CLN6: variants seen among roughly 807,000 people sequenced by gnomAD.
The protein encoded by CLN6 is ceroid-lipofuscinosis neuronal protein 6.
Under a neutral mutation model 33.3 loss-of-function variants are expected in CLN6, and 22 were observed. The ratio of observed to expected loss-of-function variants is 0.66; its 90% CI spans 0.47 to 0.94. CLN6 has a LOEUF of 0.94. Among genes scored for constraint, CLN6 ranks in the 40% least tolerant of loss-of-function variants. The pLI is 0.00. For synonymous variants in CLN6, 201 were observed against 174.6 expected (o/e 1.15, Z -1.19); for missense variants, 387 against 417.1 (o/e 0.93, Z 0.63).
In CLN6 at chr15:68,211,449, C is replaced by A; in HGVS notation, c.487-131G>T. Reference sequence around the variant, plus strand: ...CCTCCCCCACTGCCTTATTCCCTACCCGGGGCCTCGCCTTCTGTTACAGGG... The same window carrying A: ...CCTCCCCCACTGCCTTATTCCCTACACGGGGCCTCGCCTTCTGTTACAGGG... On this transcript the variant is annotated intron_variant, in intron 4 of 6. Coordinates refer to ENST00000249806, the MANE Select transcript of CLN6 (RefSeq NM_017882.3). This position sits in a 1 kb window ranked among gnomAD's most constrained non-coding sequence, Gnocchi z 5.9. 2.0e-6 allele frequency: 3 copies of A among 1,530,018 alleles called. No homozygotes were observed. The highest frequency in any genetic ancestry group is 2.3e-5 in the East Asian group (1 of 43,756). The allele number at this position is 1,530,018 out of a possible 1,614,324, so 94.8% of individuals were successfully genotyped here.
upstream of CLN6, among the ~76,000 whole-genome samples, chr15:68,231,117 T>C (rs1001005226): frequency 6.6e-6 from 1 of 152,142 alleles, no homozygotes; most frequent in Non-Finnish European, 1.5e-5. Flanking sequence ...TCTTGGGAGA[T>C]GTTTATTGGA....
chr15:68,217,626 G>C lies in CLN6; in HGVS notation c.198+910C>G, dbSNP rs1001241104. ...ATTTTTACACTTGAATTTGCTGAGT[G>C]ACCTTCGAAAAGTCACTTCCCGTTT... On this transcript the variant is annotated intron_variant, in intron 2 of 6. Coordinates refer to ENST00000249806, the MANE Select transcript of CLN6 (RefSeq NM_017882.3). Among the ~76,000 whole-genome samples, 7 of 152,176 alleles carry C rather than the reference G, an allele frequency of 4.6e-5. No individual in the cohort carries two copies. The South Asian group carries it at 8.3e-4, about 18-fold the overall frequency.
intron 2 of CLN6, among the ~76,000 whole-genome samples, chr15:68,216,209 G>A (rs1459800314): frequency 6.6e-6 from 1 of 152,048 alleles, no homozygotes; most frequent in Non-Finnish European, 1.5e-5. Context: ...GCCCACTCCT[G>A]GCCTCATCTC....
chr15:68,209,719 C>T lies in CLN6; in HGVS notation c.583G>A (p.Gly195Ser), dbSNP rs747575187. 1.1e-5 allele frequency: 17 copies of T among 1,613,630 alleles called. No individual in the cohort carries two copies. Among genetic ancestry groups the T allele is most frequent in the Admixed American group, 3.3e-5 (2 of 59,994 alleles). The change falls in exon 6 of 7, where the codon GGC (glycine) becomes AGC (serine). Residue 195 changes from glycine (G) to serine (S), a missense_variant. Gly to Ser is a moderately conservative substitution (Grantham distance 56). Transcript: ENST00000249806. The surrounding 1 kb of genome is among the most constrained non-coding windows in gnomAD (Gnocchi z 4.9). ...FFLILFMYFS[G>S]CFTASKAESL... ...TCAGCTTTAGAGGCAGTAAAGCAGCCGCTGAAGTACATGAAGAGGATGAGG... is the reference window on the plus strand; with the variant it reads ...TCAGCTTTAGAGGCAGTAAAGCAGCTGCTGAAGTACATGAAGAGGATGAGG...
chr15:68,214,172 AC>A (rs1567096512), intron 3 of CLN6, 117 bp downstream of exon 3: 26 of 800,568 alleles, frequency 3.2e-5, no homozygotes, highest in Non-Finnish European at 4.9e-5. Context: ...CACAGCCTTC[AC>A]CCCCCAGCAG....
chr15:68,214,429 C>T, intron 2 of CLN6, 41 bp from the exon 3 acceptor site: 1 of 1,505,136 alleles, frequency 6.6e-7, no homozygotes, highest in Non-Finnish European at 9.2e-7. Context: ...TGGGCACAGC[C>T]CCACGCGGCC....
At position 68,215,879 on chromosome 15, in the gene CLN6, C is replaced by A. The variant is rs910195142; in HGVS notation, c.199-1491G>T. On this transcript the variant is annotated intron_variant, in intron 2 of 6. Coordinates refer to ENST00000249806, the MANE Select transcript of CLN6 (RefSeq NM_017882.3). ...AGCAGAGAAGAGTGAAAGGGGTGTT[C>A]CCGAAACTGTCAGCAGTGGGACAGG... is the stretch of plus-strand genomic sequence containing the variant. Among the ~76,000 whole-genome samples the A allele has an allele frequency of 2.0e-5, 3 of 152,124 alleles. No individual in the cohort carries two copies. In the East Asian group the frequency reaches 5.8e-4, roughly 29 times the overall value.
At chr15:68,251,349 T>C (rs1276349667) in intron 1 of CLN6, among the ~76,000 whole-genome samples, 1 of 152,180 alleles carries the variant, frequency 6.6e-6, no homozygotes. Context: ...TTCTTAATGG[T>C]AGATCACTGT....
At chr15:68,235,146 A>G (rs7166850) in intron 1 of CLN6, among the ~76,000 whole-genome samples, 83,471 of 152,084 alleles carry the variant, frequency 0.55, 23,499 homozygotes, top group African/African-American at 0.61. Context: ...CAGTAGCCCT[A>G]AGGGATAGCG....
rs1348618308 is a variant in CLN6, at chr15:68,236,534, G to A, written c.180-17884C>T. 6.6e-6 allele frequency among the ~76,000 whole-genome samples: 1 copy of A among 152,238 alleles called. No homozygotes were observed. The highest frequency in any genetic ancestry group is 1.5e-5 in the Non-Finnish European group (1 of 68,044). On this transcript the variant is annotated intron_variant, in intron 1 of 6. Coordinates refer to the CLN6 transcript ENST00000538696. The surrounding 1 kb of genome is among the most constrained non-coding windows in gnomAD (Gnocchi z 4.5). The stretch of plus-strand genomic sequence containing the variant: ...CTGTATTAGGCCATTTATATGAAAT[G>A]TCCAGAATAGGCAAATCTACAGAGA...
At chr15:68,218,317 G>A (rs982771777) in intron 2 of CLN6, 10 of 487,890 alleles carry the variant, frequency 2.0e-5, no homozygotes, top group Non-Finnish European at 3.8e-5. Context: ...GTTCCCCCAT[G>A]AGAGTTGGGG....
Position 68,219,408 on chromosome 15 carries a change from G to A in CLN6, c.84-758C>T, listed in dbSNP as rs1435207693. On this transcript the variant is annotated intron_variant, in intron 1 of 6. Coordinates refer to ENST00000249806, the MANE Select transcript of CLN6 (RefSeq NM_017882.3). The surrounding 1 kb of genome is among the most constrained non-coding windows in gnomAD (Gnocchi z 4.2). ...GTAATCCTCTTCTCAGCAGTCCACAGTAGAACCTGAGAAGGAGCCAGCAGA... is the reference window on the plus strand; with the variant it reads ...GTAATCCTCTTCTCAGCAGTCCACAATAGAACCTGAGAAGGAGCCAGCAGA... 6.6e-6 allele frequency among the ~76,000 whole-genome samples: 1 copy of A among 152,196 alleles called. No individual in the cohort carries two copies. Among genetic ancestry groups the A allele is most frequent in the African/African-American group, 2.4e-5 (1 of 41,442 alleles).
At position 68,229,492 on chromosome 15, in the gene CLN6, G is replaced by A. The variant is rs1247368646; in HGVS notation, c.83+10C>T. ...GCCTAGCCCGCCCTCTCACCCCGGC[G>A]CGCGCCCACCTGGCCTGCAGGAAGG... On this transcript the variant is annotated intron_variant, in intron 1 of 6. Coordinates refer to ENST00000249806, the MANE Select transcript of CLN6 (RefSeq NM_017882.3). 3 of 1,462,908 alleles carry A rather than the reference G, an allele frequency of 2.1e-6. No homozygotes were observed. Among genetic ancestry groups the A allele is most frequent in the Non-Finnish European group, 2.7e-6 (3 of 1,112,130 alleles). 90.6% of individuals were successfully genotyped at this position (1,462,908 alleles called of 1,614,324 possible).
chr15:68,225,709 A>C (rs1160386859), intron 1 of CLN6, among the ~76,000 whole-genome samples: 1 of 152,238 alleles, frequency 6.6e-6, no homozygotes, highest in Non-Finnish European at 1.5e-5. Flanking sequence ...GCAGTGGCTC[A>C]TGCCTGTAAT....
At position 68,218,525 on chromosome 15, in the gene CLN6, T is replaced by G. The variant is rs2093226820; in HGVS notation, c.198+11A>C. ...TGCTGGTCAGAGCCCTGTGCACCAT[T>G]TCACACTCACCATGGCAATGGGACG... is the stretch of plus-strand genomic sequence containing the variant. On this transcript the variant is annotated intron_variant, in intron 2 of 6. Transcript: ENST00000249806. 1.0e-5 allele frequency: 16 copies of G among 1,595,794 alleles called. No homozygotes were observed. Among genetic ancestry groups the G allele is most frequent in the Non-Finnish European group, 1.4e-5 (16 of 1,163,534 alleles).
Position 68,256,647 on chromosome 15 carries a change from C to A in CLN6, c.179+43G>T. The A allele has an allele frequency of 1.7e-6, 1 of 600,712 alleles. No individual in the cohort carries two copies. The highest frequency in any genetic ancestry group is 3.0e-6 in the Non-Finnish European group (1 of 334,056). 37.2% of individuals were successfully genotyped at this position (600,712 alleles called of 1,614,324 possible). A position where few individuals can be genotyped will look rare whatever the true frequency, so the allele number is the denominator to read the frequency against. On this transcript the variant is annotated intron_variant, in intron 1 of 6. Coordinates refer to the CLN6 transcript ENST00000538696. The surrounding 1 kb of genome is among the most constrained non-coding windows in gnomAD (Gnocchi z 4.1). ...CAGGGCCCCACGTTCAGAAGGGCTT[C>A]GCCCTTGGTTTAATGCGCTGCTCTC...
chr15:68,245,374 G>C (rs940883801), intron 1 of CLN6, among the ~76,000 whole-genome samples: 1 of 151,922 alleles, frequency 6.6e-6, no homozygotes, highest in Non-Finnish European at 1.5e-5. Context: ...ATGAGCCTGG[G>C]CAACATGTTG....
intron 1 of CLN6, among the ~76,000 whole-genome samples, chr15:68,253,783 C>A (rs533822815): frequency 2.4e-4 from 36 of 150,230 alleles, no homozygotes; most frequent in African/African-American, 8.9e-4. Context: ...TGGCGACACA[C>A]AAACAGCATA....
At chr15:68,238,330 G>A (rs1394316170) in intron 1 of CLN6, among the ~76,000 whole-genome samples, 1 of 152,006 alleles carries the variant, frequency 6.6e-6, no homozygotes, top group Non-Finnish European at 1.5e-5. Flanking sequence ...CTTGAATCAG[G>A]GAGTCAGAGG....
Sources: allele counts gnomAD v4.1 joint callset (sites outside exome capture counted in the v4.1 genomes callset), GRCh38; gene constraint gnomAD v4.1.1; non-coding constraint Gnocchi (gnomAD v3.1); transcripts MANE v1.5; gene names NCBI Gene and HGNC (gene_info 2026-07-23, HGNC 2026-07-21).